The following HAO1 variants were observed in gnomAD, a reference collection of about 807,000 sequenced individuals.
HAO1 encodes the protein 2-Hydroxyacid oxidase 1.
A neutral mutation model predicts 39.7 loss-of-function variants in HAO1; 34 were observed. The observed-to-expected ratio is 0.86, with a 90% CI of 0.65 to 1.14. The LOEUF (loss-of-function observed/expected upper bound fraction) is 1.14, where lower values mean the gene tolerates loss of function less well. HAO1 is among the 50% of genes most tolerant of loss of function. The pLI, the probability that HAO1 is intolerant of heterozygous loss-of-function variation, is 0.00. For missense variants in HAO1, 479 were observed against 464.5 expected, an observed-to-expected ratio of 1.03 and a Z score of -0.29; for synonymous variants, 172 against 173.2, an observed-to-expected ratio of 0.99 and a Z score of 0.05.
rs371611640 is a variant in HAO1, at chr20:7,902,085, A to G, written c.721+4069T>C. On this transcript the variant is annotated intron_variant, in intron 4 of 7. Transcript: ENST00000378789. Reference sequence around the variant, plus strand: ...AAAGTGGTTTCTTGGGATGGAATCAACTCCTGGTGAAGATGCTGTGAACAT... The same window carrying G: ...AAAGTGGTTTCTTGGGATGGAATCAGCTCCTGGTGAAGATGCTGTGAACAT... Among the ~76,000 whole-genome samples the G allele has an allele frequency of 4.4e-3, 676 of 152,314 alleles. 2 individuals are homozygous for G. Among genetic ancestry groups the G allele is most frequent in the African/African-American group, 0.015 (632 of 41,558 alleles).
intron 5 of HAO1, among the ~76,000 whole-genome samples, chr20:7,893,230 A>C (rs1008960696): frequency 3.3e-5 from 5 of 152,172 alleles, no homozygotes; most frequent in Non-Finnish European, 7.3e-5. Context: ...ATGTCAGTGA[A>C]AGAGATCTCG....
intron 5 of HAO1, among the ~76,000 whole-genome samples, chr20:7,894,073 G>T (rs2122755166): frequency 6.6e-6 from 1 of 152,220 alleles, no homozygotes; most frequent in African/African-American, 2.4e-5. Flanking sequence ...TCTACAAGAG[G>T]CTTGGCCAAA....
At chr20:7,897,430 C>T (rs2050202698) in intron 4 of HAO1, among the ~76,000 whole-genome samples, 1 of 152,066 alleles carries the variant, frequency 6.6e-6, no homozygotes. Flanking sequence ...AAGTTGTCTT[C>T]ATGTACATTC....
chr20:7,905,399 C>T (rs947274315), intron 4 of HAO1, among the ~76,000 whole-genome samples: 3 of 152,110 alleles, frequency 2.0e-5, no homozygotes, highest in Non-Finnish European at 4.4e-5. Flanking sequence ...AATAGACATA[C>T]ATTAATGGAC....
chr20:7,925,775 G>T (rs2050356318), intron 2 of HAO1, among the ~76,000 whole-genome samples: 2 of 152,082 alleles, frequency 1.3e-5, no homozygotes, highest in Admixed American at 6.6e-5. Context: ...CTGAGAAGAA[G>T]CAATCTCATG....
chr20:7,896,429 A>G (rs898794894), intron 4 of HAO1, among the ~76,000 whole-genome samples: 1 of 152,202 alleles, frequency 6.6e-6, no homozygotes, highest in Admixed American at 6.5e-5. Flanking sequence ...GACTTGACTA[A>G]GAATAATTTT....
intron 4 of HAO1, among the ~76,000 whole-genome samples, chr20:7,896,130 A>G (rs1484591353): frequency 6.9e-6 from 1 of 144,528 alleles, no homozygotes; most frequent in African/African-American, 2.6e-5. Flanking sequence ...AAATATATTA[A>G]TTTCTGAAAG....
intron 1 of HAO1, among the ~76,000 whole-genome samples, chr20:7,937,715 T>A (rs908159554): frequency 6.6e-6 from 1 of 152,214 alleles, no homozygotes; most frequent in East Asian, 1.9e-4. Context: ...TGAATAAATG[T>A]GTAAGAGAAA....
chr20:7,936,547 T>TGTG (rs751822933), intron 1 of HAO1, among the ~76,000 whole-genome samples: 24 of 136,708 alleles, frequency 1.8e-4, no homozygotes, highest in Admixed American at 3.5e-4. Flanking sequence ...TGTGTGTGTG[T>TGTG]TCGCGCGCGC....
chr20:7,932,243 G>C (rs1600122160), intron 2 of HAO1, among the ~76,000 whole-genome samples: 1 of 151,480 alleles, frequency 6.6e-6, no homozygotes, highest in African/African-American at 2.4e-5. Flanking sequence ...CTGTGAGTCA[G>C]TTAAACCTCT....
chr20:7,935,740 T>C (rs1013966364), intron 1 of HAO1, among the ~76,000 whole-genome samples: 6 of 152,228 alleles, frequency 3.9e-5, no homozygotes, highest in Non-Finnish European at 5.9e-5. Context: ...CAGTAAAATT[T>C]ACAGAAGAAC....
chr20:7,884,852 G>A (rs78094007), intron 7 of HAO1, among the ~76,000 whole-genome samples: 2,214 of 152,162 alleles, frequency 0.015, 25 homozygotes, highest in Non-Finnish European at 0.023. Flanking sequence ...TAAAAGAACC[G>A]TTCTGGCCGC....
At chr20:7,892,178 C>T (rs995756225) in intron 5 of HAO1, among the ~76,000 whole-genome samples, 1 of 152,118 alleles carries the variant, frequency 6.6e-6, no homozygotes, top group Admixed American at 6.5e-5. Flanking sequence ...CTCCAACCCC[C>T]TGGTTCAAGC....
chr20:7,915,971 G>A (rs1910555557), intron 2 of HAO1, among the ~76,000 whole-genome samples: 1 of 151,908 alleles, frequency 6.6e-6, no homozygotes, highest in African/African-American at 2.4e-5. Flanking sequence ...CATTTATGTT[G>A]TCTTTTAAAA....
Position 7,899,003 on chromosome 20 carries a change from G to A in HAO1, c.722-3779C>T, listed in dbSNP as rs144181004. Among the ~76,000 whole-genome samples, 416 of 150,298 alleles carry A rather than the reference G, an allele frequency of 2.8e-3. 3 individuals are homozygous for A. Among genetic ancestry groups the A allele is most frequent in the African/African-American group, 9.6e-3 (394 of 40,990 alleles). On this transcript the variant is annotated intron_variant, in intron 4 of 7. Transcript: ENST00000378789. ...AGACAATGGTATTTTTTCAAACCTC[G>A]TAATTGAGCATACGTATAGCTCTCC...
chr20:7,917,561 G>A (rs2050312849), intron 2 of HAO1, among the ~76,000 whole-genome samples: 1 of 152,098 alleles, frequency 6.6e-6, no homozygotes, highest in African/African-American at 2.4e-5. Context: ...TTTGCCATGT[G>A]CATGAGAGAC....
At chr20:7,903,605 G>A in intron 4 of HAO1, among the ~76,000 whole-genome samples, 1 of 151,514 alleles carries the variant, frequency 6.6e-6, no homozygotes, top group Admixed American at 6.6e-5. Context: ...TGGTGGTGGT[G>A]GTGGTCATAG....
At chr20:7,910,076 G>T (rs920032287) in intron 3 of HAO1, among the ~76,000 whole-genome samples, 7 of 152,112 alleles carry the variant, frequency 4.6e-5, no homozygotes, top group Non-Finnish European at 8.8e-5. Flanking sequence ...ATATTTTATC[G>T]ATTGAGTCAA....
At chr20:7,926,882 T>C (rs992113101) in intron 2 of HAO1, among the ~76,000 whole-genome samples, 2 of 151,870 alleles carry the variant, frequency 1.3e-5, no homozygotes, top group Non-Finnish European at 2.9e-5. Flanking sequence ...TTTTTGACAG[T>C]TTAATAAGAA....
Sources: gnomAD v4.1 joint callset for allele counts (sites outside exome capture counted in the v4.1 genomes callset) on GRCh38, gnomAD v4.1.1 for gene constraint, MANE v1.5 for transcripts, NCBI Gene and HGNC (gene_info 2026-07-23, HGNC 2026-07-21) for gene names.